RPH3AL: variants seen among roughly 807,000 people sequenced by gnomAD.
RPH3AL encodes the protein rab effector Noc2.
In RPH3AL, 38 loss-of-function variants were observed where a neutral mutation model predicts 43.1. The observed-to-expected ratio is 0.88, with a 90% CI of 0.68 to 1.15. The LOEUF (loss-of-function observed/expected upper bound fraction) is 1.15. RPH3AL is among the 50% of genes most tolerant of loss of function. The pLI is 0.00. For missense variants in RPH3AL, 462 were observed against 423.2 expected, an observed-to-expected ratio of 1.09 and a Z score of -0.81; for synonymous variants, 189 against 176.3, an observed-to-expected ratio of 1.07 and a Z score of -0.57.
At chr17:327,601 G>A (rs1483594892) in intron 2 of RPH3AL, 22 bp from the exon 3 acceptor site, 16 of 1,505,978 alleles carry the variant, frequency 1.1e-5, no homozygotes, top group African/African-American at 4.1e-5. Context: ...GAGGGAAGAC[G>A]AAAGAGTGTG....
intron 7 of RPH3AL, among the ~76,000 whole-genome samples, chr17:242,182 A>G (rs1008970704): frequency 1.3e-5 from 2 of 152,146 alleles, no homozygotes; most frequent in Non-Finnish European, 2.9e-5. Context: ...CACCTCAGAA[A>G]CATCAACCCT....
intron 1 of RPH3AL, among the ~76,000 whole-genome samples, chr17:343,006 T>G (rs1040160158): frequency 6.6e-6 from 1 of 152,202 alleles, no homozygotes; most frequent in African/African-American, 2.4e-5. Context: ...TCCACTTTGC[T>G]GCATGTTTTT....
At chr17:318,078 C>A (rs1278483979) in intron 5 of RPH3AL, among the ~76,000 whole-genome samples, 1 of 152,094 alleles carries the variant, frequency 6.6e-6, no homozygotes, top group Non-Finnish European at 1.5e-5. Context: ...TATAATAACT[C>A]CAGTCTTAAA....
At chr17:314,362 G>A (rs895226264) in intron 5 of RPH3AL, among the ~76,000 whole-genome samples, 1 of 149,546 alleles carries the variant, frequency 6.7e-6, no homozygotes, top group African/African-American at 2.5e-5. Context: ...CCAGGCAGGA[G>A]TCACTGCCCG....
rs2040724566 is a variant in RPH3AL at position 213,738 on chromosome 17, T to C, written c.*114A>G. Reference sequence around the variant, plus strand: ...GCAGACGGCTCCCAACACTGGTTTGTTGAGTCATGGCCAACAGGGTGTCTG... The same window carrying C: ...GCAGACGGCTCCCAACACTGGTTTGCTGAGTCATGGCCAACAGGGTGTCTG... On this transcript the variant is annotated 3_prime_UTR_variant, in exon 10 of 10. Transcript: ENST00000331302. The C allele has an allele frequency of 3.6e-6, 3 of 839,284 alleles. No individual in the cohort carries two copies. Among genetic ancestry groups the C allele is most frequent in the Non-Finnish European group, 5.9e-6 (3 of 505,006 alleles). The allele number at this position is 839,284 out of a possible 1,614,324, so 52.0% of individuals were successfully genotyped here. A position where few individuals can be genotyped will look rare whatever the true frequency, so the allele number is the denominator to read the frequency against.
chr17:337,995 G>A (rs2045006736), intron 1 of RPH3AL, among the ~76,000 whole-genome samples: 1 of 152,226 alleles, frequency 6.6e-6, no homozygotes, highest in Non-Finnish European at 1.5e-5. Flanking sequence ...CAAATGAGAT[G>A]TGAAATAACC....
At chr17:243,046 C>T (rs1447403960) in intron 7 of RPH3AL, among the ~76,000 whole-genome samples, 1 of 122,582 alleles carries the variant, frequency 8.2e-6, no homozygotes, top group Non-Finnish European at 1.8e-5. Context: ...ATACCATCCT[C>T]TATTGATTAC....
At chr17:222,688 CCACA>C (rs992125740) in intron 7 of RPH3AL, among the ~76,000 whole-genome samples, 3 of 152,164 alleles carry the variant, frequency 2.0e-5, no homozygotes, top group Non-Finnish European at 4.4e-5. Flanking sequence ...CAAGATTGGC[CCACA>C]CAGTCTCTCA....
chr17:215,671 G>A lies in RPH3AL; in HGVS notation c.859C>T (p.Leu287=). The change falls in exon 9 of 10, where the codon CTG becomes TTG. Residue 287 remains leucine (L), a synonymous_variant. Coordinates refer to ENST00000331302, the MANE Select transcript of RPH3AL (RefSeq NM_006987.4). The surrounding 1 kb of genome is among the most constrained non-coding windows in gnomAD (Gnocchi z 4.1). ...GTACTCACCGGGGCCCTTCGGGTCA[G>A]CCCGGGGCGGGGTCCCCCTGGCGGG... The part of the protein sequence containing the change: ...ADPPGGPRPG[L]TRRAPVKDTP... The A allele has an allele frequency of 7.8e-7, 1 of 1,277,408 alleles. No individual in the cohort carries two copies. Among genetic ancestry groups the A allele is most frequent in the Non-Finnish European group, 9.9e-7 (1 of 1,006,882 alleles). The allele number at this position is 1,277,408 out of a possible 1,614,324, so 79.1% of individuals were successfully genotyped here.
rs1289453229 is a variant in RPH3AL at position 333,445 on chromosome 17, T to C, written c.-37+314A>G. The stretch of plus-strand genomic sequence containing the variant: ...GTAATAAAATTGGGTTCTTACTGCA[T>C]ACGCTGCTTGCTGGTTTCTAAATAA... On this transcript the variant is annotated intron_variant, in intron 2 of 9. Transcript: ENST00000331302. This position sits in a 1 kb window ranked among gnomAD's most constrained non-coding sequence, Gnocchi z 4.5. 1.0e-5 allele frequency: 5 copies of C among 488,304 alleles called. No individual in the cohort carries two copies. The highest frequency in any genetic ancestry group is 1.7e-5 in the Non-Finnish European group (5 of 299,776). The allele number at this position is 488,304 out of a possible 1,614,324, so 30.2% of individuals were successfully genotyped here.
intron 6 of RPH3AL, among the ~76,000 whole-genome samples, chr17:252,531 T>C (rs2041932779): frequency 2.0e-5 from 3 of 152,052 alleles, no homozygotes; most frequent in South Asian, 2.1e-4. Flanking sequence ...AGAGCAGTCG[T>C]TCCGAACTCA....
chr17:294,352 A>C (rs2043119146), intron 5 of RPH3AL, among the ~76,000 whole-genome samples: 1 of 152,178 alleles, frequency 6.6e-6, no homozygotes, highest in Admixed American at 6.5e-5. Context: ...CTGCAGTCAC[A>C]GCTACTTGGA....
Position 215,656 on chromosome 17 carries a change from G to T in RPH3AL, c.874C>A (p.Pro292Thr). 7.8e-7 allele frequency: 1 copy of T among 1,279,276 alleles called. No individual in the cohort carries two copies. Among genetic ancestry groups the T allele is most frequent in the Non-Finnish European group, 9.9e-7 (1 of 1,008,314 alleles). 79.2% of individuals were successfully genotyped at this position (1,279,276 alleles called of 1,614,324 possible). ...GPRPGLTRRA[P>T]VKDTPGRAPA... ...GAAGGCAGCAGTTGGGTACTCACCG[G>T]GGCCCTTCGGGTCAGCCCGGGGCGG... is the stretch of plus-strand genomic sequence containing the variant. Residue 292 changes from proline to threonine, a missense_variant and splice_region_variant, in exon 9 of 10, where the codon CCG becomes ACG. Pro to Thr is a conservative substitution (Grantham distance 38). Transcript: ENST00000331302. The surrounding 1 kb of genome is among the most constrained non-coding windows in gnomAD (Gnocchi z 4.1).
Position 238,616 on chromosome 17 carries a change from G to A in RPH3AL, c.613+8495C>T, listed in dbSNP as rs1312721094. Among the ~76,000 whole-genome samples, 5 of 152,210 alleles carry A rather than the reference G, an allele frequency of 3.3e-5. No individual in the cohort carries two copies. The East Asian group carries it at 7.7e-4, about 23-fold the overall frequency. On this transcript the variant is annotated intron_variant, in intron 7 of 9. Coordinates refer to ENST00000331302, the MANE Select transcript of RPH3AL (RefSeq NM_006987.4). Reference sequence around the variant, plus strand: ...GAAGAATTGCAAAGACATCTGTCCTGACATCACTGAAGCTGCTGAACCGAA... The same window carrying A: ...GAAGAATTGCAAAGACATCTGTCCTAACATCACTGAAGCTGCTGAACCGAA...
rs922348258 is a variant in RPH3AL at position 289,815 on chromosome 17, C to T, written c.352-7961G>A. The stretch of plus-strand genomic sequence containing the variant: ...TCTCTTCATTAACCTACACACCCCT[C>T]GGACCTCAGCAAAAGCACCACATCT... On this transcript the variant is annotated intron_variant, in intron 5 of 9. Transcript: ENST00000331302. This position sits in a 1 kb window ranked among gnomAD's most constrained non-coding sequence, Gnocchi z 5.2. Among the ~76,000 whole-genome samples the T allele has an allele frequency of 3.9e-5, 6 of 152,174 alleles. No homozygotes were observed. Among genetic ancestry groups the T allele is most frequent in the African/African-American group, 1.2e-4 (5 of 41,442 alleles).
At chr17:315,754 C>T (rs1239277874) in intron 5 of RPH3AL, among the ~76,000 whole-genome samples, 498 of 150,802 alleles carry the variant, frequency 3.3e-3, no homozygotes, top group East Asian at 6.9e-3. Flanking sequence ...GCTCCACATC[C>T]ATTGACCTTT....
chr17:282,053 T>C (rs545300992), intron 5 of RPH3AL, among the ~76,000 whole-genome samples, 199 bp from the exon 6 acceptor site: 1 of 152,110 alleles, frequency 6.6e-6, no homozygotes, highest in Non-Finnish European at 1.5e-5. Flanking sequence ...GATGGCCCCA[T>C]CCACGGAACC....
Position 274,215 on chromosome 17 carries a change from AG to A in RPH3AL, c.438+7552del, listed in dbSNP as rs2042600990. 6.6e-6 allele frequency among the ~76,000 whole-genome samples: 1 copy of A among 152,228 alleles called. No homozygotes were observed. The highest frequency in any genetic ancestry group is 2.4e-5 in the African/African-American group (1 of 41,468). On this transcript the variant is annotated intron_variant, in intron 6 of 9. Transcript: ENST00000331302. This position sits in a 1 kb window ranked among gnomAD's most constrained non-coding sequence, Gnocchi z 4.7. The stretch of plus-strand genomic sequence containing the variant: ...ACGCACCCATGAAAGCACGTGGAAA[AG>A]GCACCGCGAAACCCCAGCCCGGGGC...
intron 6 of RPH3AL, among the ~76,000 whole-genome samples, chr17:251,772 C>T (rs868963704): frequency 3.3e-5 from 5 of 152,232 alleles, no homozygotes; most frequent in South Asian, 4.1e-4. Flanking sequence ...GGGCTCGCTA[C>T]GCCTCCCTCT....
Sources: allele counts gnomAD v4.1 joint callset (sites outside exome capture counted in the v4.1 genomes callset), GRCh38; gene constraint gnomAD v4.1.1; non-coding constraint Gnocchi (gnomAD v3.1); transcripts MANE v1.5; gene names NCBI Gene and HGNC (gene_info 2026-07-23, HGNC 2026-07-21).